The following CSMD3 variants were observed in gnomAD, a reference collection of about 807,000 sequenced individuals.
CSMD3 encodes the protein CUB and sushi domain-containing protein 3.
In CSMD3, 177 loss-of-function variants were observed where a neutral mutation model predicts 435.2. The observed-to-expected ratio is 0.41, with a 90% CI of 0.36 to 0.46. The LOEUF (loss-of-function observed/expected upper bound fraction) is 0.46. CSMD3 is among the 20% of genes least tolerant of loss of function. The pLI is 0.34. For missense variants in CSMD3, 4,265 were observed against 4,504.6 expected, an observed-to-expected ratio of 0.95 and a Z score of 1.52; for synonymous variants, 1,656 against 1,520.5, an observed-to-expected ratio of 1.09 and a Z score of -2.07.
At chr8:112,599,670 C>T (rs1053400374) in intron 22 of CSMD3, among the ~76,000 whole-genome samples, 13 of 151,340 alleles carry the variant, frequency 8.6e-5, no homozygotes, top group African/African-American at 2.9e-4. Flanking sequence ...ACATATACAC[C>T]ATGGAATACT....
At chr8:112,546,829 T>C (rs552540209) in intron 27 of CSMD3, among the ~76,000 whole-genome samples, 25 of 152,254 alleles carry the variant, frequency 1.6e-4, no homozygotes, top group African/African-American at 5.8e-4. Context: ...CAACAGACTC[T>C]ACAAAGGATG....
chr8:112,398,584 T>C (rs1250314891), intron 35 of CSMD3, among the ~76,000 whole-genome samples: 3 of 152,116 alleles, frequency 2.0e-5, no homozygotes, highest in South Asian at 2.1e-4. Context: ...CATAGCTTTA[T>C]TGGGTACCGA....
At chr8:112,538,690 A>C (rs539905108) in intron 27 of CSMD3, among the ~76,000 whole-genome samples, 1 of 152,290 alleles carries the variant, frequency 6.6e-6, no homozygotes. Context: ...CTATTAAAAC[A>C]ATAGGACACA....
chr8:112,284,749 A>C, intron 58 of CSMD3, among the ~76,000 whole-genome samples: 1 of 152,106 alleles, frequency 6.6e-6, no homozygotes, highest in Middle Eastern at 3.4e-3. Flanking sequence ...AAAGTGGAGT[A>C]ATAAACTGAA....
intron 13 of CSMD3, among the ~76,000 whole-genome samples, chr8:112,773,278 G>T (rs907579685): frequency 6.6e-6 from 1 of 152,002 alleles, no homozygotes; most frequent in Admixed American, 6.6e-5. Context: ...AAGTAAAAAT[G>T]ATGAAACAGA....
chr8:113,211,389 C>A (rs2092832810), intron 3 of CSMD3, among the ~76,000 whole-genome samples: 1 of 152,058 alleles, frequency 6.6e-6, no homozygotes, highest in South Asian at 2.1e-4. Context: ...GTTTGTAAAA[C>A]AAGGACCGTA....
intron 13 of CSMD3, among the ~76,000 whole-genome samples, chr8:112,730,915 C>T (rs545675941): frequency 2.5e-4 from 38 of 152,112 alleles, no homozygotes; most frequent in South Asian, 1.5e-3. Context: ...TGAAACCACA[C>T]GGGAGAACGT....
At chr8:112,961,985 G>A (rs1286982347) in intron 7 of CSMD3, among the ~76,000 whole-genome samples, 1 of 151,902 alleles carries the variant, frequency 6.6e-6, no homozygotes, top group African/African-American at 2.4e-5. Flanking sequence ...GTCACCATAT[G>A]GGAAGGGTTA....
chr8:112,997,717 C>G (rs1194518596), intron 6 of CSMD3, among the ~76,000 whole-genome samples: 1 of 151,418 alleles, frequency 6.6e-6, no homozygotes, highest in Non-Finnish European at 1.5e-5. Context: ...TGCTAAATCT[C>G]TCCTATTAAT....
intron 38 of CSMD3, among the ~76,000 whole-genome samples, chr8:112,372,588 G>A (rs556909886): frequency 1.3e-5 from 2 of 152,234 alleles, no homozygotes; most frequent in Admixed American, 6.5e-5. Flanking sequence ...GGTGGCTCAT[G>A]CCTGTAATCT....
chr8:112,847,268 A>G (rs2080349936), intron 11 of CSMD3, among the ~76,000 whole-genome samples: 1 of 151,988 alleles, frequency 6.6e-6, no homozygotes, highest in Non-Finnish European at 1.5e-5. Flanking sequence ...TTGTCTCTAA[A>G]CGTGTATAGC....
intron 58 of CSMD3, among the ~76,000 whole-genome samples, chr8:112,283,906 T>C (rs532452110): frequency 1.3e-5 from 2 of 151,986 alleles, no homozygotes; most frequent in African/African-American, 2.4e-5. Context: ...TGAAATATTA[T>C]CAACACATAG....
At chr8:112,855,990 A>C (rs2080647001) in intron 11 of CSMD3, among the ~76,000 whole-genome samples, 1 of 151,944 alleles carries the variant, frequency 6.6e-6, no homozygotes, top group South Asian at 2.1e-4. Flanking sequence ...TAAGAGGGAA[A>C]TTAATAAAGA....
rs1412459934 is a variant in CSMD3, at chr8:113,126,432, T to A, written c.710-27469A>T. 2.0e-5 allele frequency among the ~76,000 whole-genome samples: 3 copies of A among 151,926 alleles called. No homozygotes were observed. The East Asian group carries it at 5.8e-4, about 29-fold the overall frequency. On this transcript the variant is annotated intron_variant, in intron 4 of 70. Coordinates refer to ENST00000297405, the MANE Select transcript of CSMD3 (RefSeq NM_198123.2). ...GTGAAAATTATATTGATGTATATAGTTGAAAATATATAAAGGATATCTATA... is the reference window on the plus strand; with the variant it reads ...GTGAAAATTATATTGATGTATATAGATGAAAATATATAAAGGATATCTATA...
chr8:113,212,134 T>A lies in CSMD3; in HGVS notation c.515-38218A>T, dbSNP rs574722039. Reference sequence around the variant, plus strand: ...TTAAAAGTTTATGGAGCTGCTGGAGTAAGATAAAGATTCTATATGCAGAAT... The same window carrying A: ...TTAAAAGTTTATGGAGCTGCTGGAGAAAGATAAAGATTCTATATGCAGAAT... On this transcript the variant is annotated intron_variant, in intron 3 of 70. Transcript: ENST00000297405. 8.0e-4 allele frequency among the ~76,000 whole-genome samples: 121 copies of A among 152,132 alleles called. 3 individuals are homozygous for A. The South Asian group carries it at 0.025, about 31-fold the overall frequency.
At chr8:113,172,433 T>C (rs942625729) in intron 4 of CSMD3, among the ~76,000 whole-genome samples, 1 of 152,166 alleles carries the variant, frequency 6.6e-6, no homozygotes, top group Admixed American at 6.6e-5. Context: ...GCGGTAATTG[T>C]GGTAGCCGTA....
intron 32 of CSMD3, among the ~76,000 whole-genome samples, chr8:112,467,656 T>C (rs1038688239): frequency 6.6e-6 from 1 of 152,108 alleles, no homozygotes; most frequent in South Asian, 2.1e-4. Flanking sequence ...AGGATCAAGA[T>C]GATATCATAT....
intron 12 of CSMD3, among the ~76,000 whole-genome samples, chr8:112,806,558 C>T (rs2079091894): frequency 6.6e-6 from 1 of 152,100 alleles, no homozygotes; most frequent in Non-Finnish European, 1.5e-5. Context: ...AGCATTGATC[C>T]CAGTATTGTG....
At chr8:112,927,113 A>G (rs1173230057) in intron 9 of CSMD3, among the ~76,000 whole-genome samples, 1 of 152,164 alleles carries the variant, frequency 6.6e-6, no homozygotes, top group Non-Finnish European at 1.5e-5. Context: ...TTAAAAGTCT[A>G]ATTATTCTCT....
Sources: allele counts gnomAD v4.1 joint callset (sites outside exome capture counted in the v4.1 genomes callset), GRCh38; gene constraint gnomAD v4.1.1; transcripts MANE v1.5; gene names NCBI Gene and HGNC (gene_info 2026-07-23, HGNC 2026-07-21).